The following PDE8B variants were observed in gnomAD, a reference collection of about 807,000 sequenced individuals.
PDE8B encodes the protein high affinity cAMP-specific and IBMX-insensitive 3',5'-cyclic phosphodiesterase 8B.
In PDE8B, 26 loss-of-function variants were observed where a neutral mutation model predicts 101.3. The observed-to-expected ratio is 0.26, with a 90% CI of 0.19 to 0.36. The LOEUF is 0.36. Ranked by LOEUF, PDE8B falls within the 10% of genes least tolerant of loss-of-function variation. The pLI is 1.00. For synonymous variants in PDE8B, 424 were observed against 429.3 expected (o/e 0.99, Z 0.15); for missense variants, 810 against 1,163.1 (o/e 0.70, Z 4.42).
Position 77,226,449 on chromosome 5 carries a change from T to C in PDE8B, c.339+15185T>C, listed in dbSNP as rs1364338623. ...CTCATAGCTGCATAGTATACCATCA[T>C]GTGGCTGTACTTTGTTTTATTCAGC... is the stretch of plus-strand genomic sequence containing the variant. On this transcript the variant is annotated intron_variant, in intron 1 of 21. Coordinates refer to ENST00000264917, the MANE Select transcript of PDE8B (RefSeq NM_003719.5). 2.0e-5 allele frequency among the ~76,000 whole-genome samples: 3 copies of C among 152,226 alleles called. No homozygotes were observed. In the East Asian group the frequency reaches 5.8e-4, roughly 29 times the overall value.
At chr5:77,258,293 A>G (rs1268921637) in intron 1 of PDE8B, among the ~76,000 whole-genome samples, 1 of 141,162 alleles carries the variant, frequency 7.1e-6, no homozygotes, top group Non-Finnish European at 1.6e-5. Flanking sequence ...CCATCTCAAA[A>G]AAAAAAAAAA....
chr5:77,164,339 T>TA, the PDE8B span, among the ~76,000 whole-genome samples: 1 of 152,194 alleles, frequency 6.6e-6, no homozygotes, highest in Non-Finnish European at 1.5e-5. Context: ...GGTGTTATTC[T>TA]AAAAATTGTA....
rs1283407118 is a variant in PDE8B at position 77,428,032 on chromosome 5, T to TA, written c.*1479dup. The TA allele has an allele frequency of 6.6e-6, 1 of 152,216 alleles. No individual in the cohort carries two copies. Among genetic ancestry groups the TA allele is most frequent in the African/African-American group, 2.4e-5 (1 of 41,452 alleles). The allele number at this position is 152,216 out of a possible 1,614,324, so 9.4% of individuals were successfully genotyped here. On this transcript the variant is annotated 3_prime_UTR_variant, in exon 22 of 22. Coordinates refer to ENST00000264917, the MANE Select transcript of PDE8B (RefSeq NM_003719.5). ...ATGTTTTGTACCAAAAATGGAAAAA[T>TA]ATGACAATTCCATGCAAAGAAATGT...
At chr5:77,173,486 A>T in the PDE8B span, among the ~76,000 whole-genome samples, 1 of 152,138 alleles carries the variant, frequency 6.6e-6, no homozygotes. Flanking sequence ...TAATCAGGAT[A>T]TTCATGTATT....
rs76449716 is a variant in PDE8B, at chr5:77,316,707, G to A, written c.399+4654G>A. On this transcript the variant is annotated intron_variant, in intron 2 of 21. Transcript: ENST00000264917. ...GTCTATAAATTTGAATGTATTATAT[G>A]TGGCATATTAAAACATACAAAAATA... 3.4e-3 allele frequency among the ~76,000 whole-genome samples: 517 copies of A among 152,158 alleles called. 6 individuals carry two copies. The highest frequency in any genetic ancestry group is 0.012 in the African/African-American group (493 of 41,504).
At chr5:77,193,121 G>A in the PDE8B span, among the ~76,000 whole-genome samples, 1 of 152,086 alleles carries the variant, frequency 6.6e-6, no homozygotes, top group Non-Finnish European at 1.5e-5. Flanking sequence ...TCTGTGGCTT[G>A]CCTTTTTATT....
chr5:77,189,077 A>C, the PDE8B span, among the ~76,000 whole-genome samples: 2 of 152,076 alleles, frequency 1.3e-5, no homozygotes, highest in Non-Finnish European at 2.9e-5. Flanking sequence ...TTTTCTCTGC[A>C]CTACAGCAAG....
At chr5:77,199,653 T>G in the PDE8B span, among the ~76,000 whole-genome samples, 1 of 152,138 alleles carries the variant, frequency 6.6e-6, no homozygotes. Context: ...CTGTAAAAGT[T>G]TGATGACTTC....
At chr5:77,129,482 T>C in the PDE8B span, among the ~76,000 whole-genome samples, 52,066 of 151,306 alleles carry the variant, frequency 0.34, 9,231 homozygotes, top group Non-Finnish European at 0.4. Flanking sequence ...GAATGAGTGA[T>C]CACATTTCTA....
intron 1 of PDE8B, among the ~76,000 whole-genome samples, chr5:77,234,547 C>T (rs1046061009): frequency 6.6e-6 from 1 of 152,176 alleles, no homozygotes; most frequent in East Asian, 1.9e-4. Flanking sequence ...CAGAATAGAA[C>T]AGGCCGAGGG....
chr5:77,339,285 A>C (rs1049499502), intron 6 of PDE8B, among the ~76,000 whole-genome samples: 3 of 152,154 alleles, frequency 2.0e-5, no homozygotes, highest in Non-Finnish European at 4.4e-5. Flanking sequence ...TCTTACTACA[A>C]ATCAGTGTCA....
intron 11 of PDE8B, among the ~76,000 whole-genome samples, chr5:77,402,966 C>T (rs1333071261): frequency 2.6e-5 from 4 of 152,244 alleles, no homozygotes; most frequent in African/African-American, 9.6e-5. Flanking sequence ...AATATGATCA[C>T]TTATTGGCAT....
At chr5:77,372,367 G>T (rs1311997035) in intron 10 of PDE8B, among the ~76,000 whole-genome samples, 2 of 152,158 alleles carry the variant, frequency 1.3e-5, no homozygotes, top group African/African-American at 2.4e-5. Context: ...TGGAATCTTG[G>T]TCTGTAGTTA....
chr5:77,330,402 A>G (rs1776893679), intron 4 of PDE8B, among the ~76,000 whole-genome samples: 1 of 152,236 alleles, frequency 6.6e-6, no homozygotes, highest in African/African-American at 2.4e-5. Flanking sequence ...TAATTATACA[A>G]TAGTTCATAT....
At chr5:77,183,129 A>ATTATT in the PDE8B span, among the ~76,000 whole-genome samples, 16,094 of 147,962 alleles carry the variant, frequency 0.11, 1,207 homozygotes, top group East Asian at 0.38. Flanking sequence ...TATTATTATT[A>ATTATT]ATTATTTTGA....
chr5:77,301,604 T>C (rs762964462), intron 1 of PDE8B, among the ~76,000 whole-genome samples: 7 of 152,244 alleles, frequency 4.6e-5, no homozygotes. Context: ...TTTTACATGC[T>C]TGAAGTCATC....
chr5:77,278,165 C>T (rs963670119), intron 1 of PDE8B, among the ~76,000 whole-genome samples: 1 of 152,160 alleles, frequency 6.6e-6, no homozygotes, highest in East Asian at 1.9e-4. Context: ...TTCAAGTTTA[C>T]CTCCACCTCT....
intron 17 of PDE8B, 49 bp downstream of exon 17, chr5:77,413,358 A>G: frequency 6.6e-7 from 1 of 1,508,266 alleles, no homozygotes; most frequent in African/African-American, 1.4e-5. Flanking sequence ...TTGGAGATCC[A>G]AGAACTTAAT....
At chr5:77,126,524 C>T in the PDE8B span, among the ~76,000 whole-genome samples, 1 of 152,144 alleles carries the variant, frequency 6.6e-6, no homozygotes, top group Non-Finnish European at 1.5e-5. Flanking sequence ...CTCCTGGGCT[C>T]AGGTGATTCT....
Sources: allele counts gnomAD v4.1 joint callset (sites outside exome capture counted in the v4.1 genomes callset), GRCh38; gene constraint gnomAD v4.1.1; transcripts MANE v1.5; gene names NCBI Gene and HGNC (gene_info 2026-07-23, HGNC 2026-07-21).